Variants in SPOCK1 observed in about 807,000 individuals in gnomAD.
SPOCK1 encodes SPARC (osteonectin), cwcv and kazal like domains proteoglycan 1.
In SPOCK1, 23 loss-of-function variants were observed where a neutral mutation model predicts 55.3. That is an observed-to-expected ratio of 0.42 (90% CI 0.30 to 0.59). The LOEUF (loss-of-function observed/expected upper bound fraction) is 0.59. Among genes scored for constraint, SPOCK1 ranks in the 20% least tolerant of loss-of-function variants. SPOCK1 has a pLI of 0.22. For synonymous variants in SPOCK1, 226 were observed against 221.0 expected, an observed-to-expected ratio of 1.02 and a Z score of -0.20; for missense variants, 499 against 552.5, an observed-to-expected ratio of 0.90 and a Z score of 0.97.
chr5:137,389,963 A>T (rs1055735321), intron 2 of SPOCK1, among the ~76,000 whole-genome samples: 1 of 152,084 alleles, frequency 6.6e-6, no homozygotes, highest in Non-Finnish European at 1.5e-5. Flanking sequence ...CTCCACCCAC[A>T]GTGTCCTGTC....
chr5:136,998,740 G>A (rs1751094205), intron 6 of SPOCK1, among the ~76,000 whole-genome samples: 2 of 152,226 alleles, frequency 1.3e-5, no homozygotes, highest in South Asian at 4.1e-4. Flanking sequence ...ATGGTCTTTT[G>A]GAAGAACTGC....
At chr5:137,072,328 A>G (rs1382601732) in intron 5 of SPOCK1, among the ~76,000 whole-genome samples, 3 of 152,262 alleles carry the variant, frequency 2.0e-5, no homozygotes, top group East Asian at 1.9e-4. Context: ...TAAACATTAT[A>G]CTAGAACCCA....
At position 136,980,849 on chromosome 5, in the gene SPOCK1, C is replaced by A. The variant is rs533991240; in HGVS notation, c.992-1380G>T. Among the ~76,000 whole-genome samples the A allele has an allele frequency of 7.2e-5, 11 of 152,066 alleles. No individual in the cohort carries two copies. In the East Asian group the frequency reaches 2.1e-3, roughly 29 times the overall value. On this transcript the variant is annotated intron_variant, in intron 9 of 10. Transcript: ENST00000394945. ...AGATTTTTTTATAAAATGAGAATCT[C>A]TTTTTTGAAGAATTTGCCCATAAAA...
intron 3 of SPOCK1, among the ~76,000 whole-genome samples, chr5:137,154,982 A>G (rs1331824622): frequency 6.6e-6 from 1 of 152,180 alleles, no homozygotes; most frequent in African/African-American, 2.4e-5. Context: ...AGCTCCTTGC[A>G]CACTGTGTGA....
intron 6 of SPOCK1, among the ~76,000 whole-genome samples, chr5:137,041,955 AC>A (rs1359898488): frequency 6.6e-6 from 1 of 152,228 alleles, no homozygotes; most frequent in Non-Finnish European, 1.5e-5. Flanking sequence ...CTAAGTATTT[AC>A]CCAACTGATT....
intron 2 of SPOCK1, among the ~76,000 whole-genome samples, chr5:137,288,104 G>A (rs1000919684): frequency 7.9e-5 from 12 of 152,132 alleles, no homozygotes; most frequent in Non-Finnish European, 1.0e-4. Context: ...GGTCCCAAGA[G>A]CATTGATGGT....
In SPOCK1 at chr5:137,167,919, A is replaced by G. The variant is rs906878317; in HGVS notation, c.233-27225T>C. 3.3e-5 allele frequency among the ~76,000 whole-genome samples: 5 copies of G among 152,218 alleles called. 1 individual carries two copies. In the South Asian group the frequency reaches 1.0e-3, roughly 32 times the overall value. ...ACCTAACAATGCATCTTAAAGAATTACAAAAGCAAGAGCAAACCAAACCCA... is the reference window on the plus strand; with the variant it reads ...ACCTAACAATGCATCTTAAAGAATTGCAAAAGCAAGAGCAAACCAAACCCA... On this transcript the variant is annotated intron_variant, in intron 3 of 10. Coordinates refer to ENST00000394945, the MANE Select transcript of SPOCK1 (RefSeq NM_004598.4).
At chr5:137,492,108 C>T (rs1047627099) in intron 2 of SPOCK1, among the ~76,000 whole-genome samples, 5 of 152,190 alleles carry the variant, frequency 3.3e-5, no homozygotes, top group African/African-American at 1.2e-4. Flanking sequence ...AATTACCCTT[C>T]TACCATCCAT....
chr5:137,464,242 C>T (rs1753552523), intron 2 of SPOCK1, among the ~76,000 whole-genome samples: 2 of 152,134 alleles, frequency 1.3e-5, no homozygotes, highest in African/African-American at 4.8e-5. Flanking sequence ...GTTGAGGCTG[C>T]AGTGAGCCAT....
chr5:137,302,288 G>A (rs1368137378), intron 2 of SPOCK1, among the ~76,000 whole-genome samples: 1 of 152,140 alleles, frequency 6.6e-6, no homozygotes, highest in East Asian at 1.9e-4. Flanking sequence ...TCAGTTTATA[G>A]GCTGGGCGCG....
At chr5:137,096,172 C>CA (rs1330739337) in intron 5 of SPOCK1, among the ~76,000 whole-genome samples, 3 of 152,078 alleles carry the variant, frequency 2.0e-5, no homozygotes, top group African/African-American at 4.8e-5. Context: ...CTCAGCCCCC[C>CA]AAGTATAGCA....
intron 2 of SPOCK1, among the ~76,000 whole-genome samples, chr5:137,362,089 G>A (rs1750959732): frequency 6.6e-6 from 1 of 152,058 alleles, no homozygotes; most frequent in African/African-American, 2.4e-5. Context: ...GAAAAAGGCT[G>A]GGAAGGAATT....
intron 2 of SPOCK1, among the ~76,000 whole-genome samples, chr5:137,442,866 A>G (rs1182831122): frequency 6.6e-6 from 1 of 152,206 alleles, no homozygotes; most frequent in Non-Finnish European, 1.5e-5. Context: ...TTCATGTTCC[A>G]TTTTAAACAG....
At chr5:137,351,988 CAAGG>C (rs1561512329) in intron 2 of SPOCK1, among the ~76,000 whole-genome samples, 2 of 152,278 alleles carry the variant, frequency 1.3e-5, no homozygotes, top group Non-Finnish European at 1.5e-5. Flanking sequence ...ATTCTGTAAG[CAAGG>C]ATATGGACAG....
intron 3 of SPOCK1, among the ~76,000 whole-genome samples, chr5:137,202,917 A>T (rs927583467): frequency 1.3e-5 from 2 of 152,260 alleles, no homozygotes; most frequent in African/African-American, 4.8e-5. Flanking sequence ...CTTTAAGAAC[A>T]TCATACATAT....
chr5:137,197,767 G>A (rs1312891318), intron 3 of SPOCK1, among the ~76,000 whole-genome samples: 1 of 152,184 alleles, frequency 6.6e-6, no homozygotes, highest in African/African-American at 2.4e-5. Context: ...CCATGGGCAA[G>A]TTACTTACCT....
At chr5:137,121,666 TA>T (rs1378267248) in intron 4 of SPOCK1, among the ~76,000 whole-genome samples, 2 of 146,626 alleles carry the variant, frequency 1.4e-5, no homozygotes, top group Non-Finnish European at 3.0e-5. Context: ...ATATAATATA[TA>T]AAATTATATA....
At chr5:137,089,878 A>G (rs760103034) in intron 5 of SPOCK1, among the ~76,000 whole-genome samples, 1 of 152,218 alleles carries the variant, frequency 6.6e-6, no homozygotes, top group Non-Finnish European at 1.5e-5. Flanking sequence ...ATAACTGCAC[A>G]GTTTGACCTG....
At chr5:137,062,525 A>AAATAATAATAATAATAAT (rs71583272) in intron 6 of SPOCK1, among the ~76,000 whole-genome samples, 2 of 143,464 alleles carry the variant, frequency 1.4e-5, no homozygotes, top group Non-Finnish European at 3.0e-5. Flanking sequence ...CAAGCATTAT[A>AAATAATAATAATAATAAT]AATAATAATA....
Sources: allele counts gnomAD v4.1 joint callset (sites outside exome capture counted in the v4.1 genomes callset), GRCh38; gene constraint gnomAD v4.1.1; transcripts MANE v1.5; gene names NCBI Gene and HGNC (gene_info 2026-07-23, HGNC 2026-07-21).